The following NCKAP5 variants were observed in gnomAD, a reference collection of about 807,000 sequenced individuals.
The protein encoded by NCKAP5 is NCK associated protein 5.
In NCKAP5, 92 loss-of-function variants were observed where a neutral mutation model predicts 167.0. The observed-to-expected ratio is 0.55, with a 90% CI of 0.47 to 0.66. The LOEUF (loss-of-function observed/expected upper bound fraction) is 0.66, where lower values mean the gene tolerates loss of function less well. Among genes scored for constraint, NCKAP5 ranks in the 30% least tolerant of loss-of-function variants. The probability of loss-of-function intolerance (pLI) is 0.00; values close to 1 mark genes in which losing one functional copy is unlikely to be tolerated. For missense variants in NCKAP5, 2,378 were observed against 2,315.0 expected (o/e 1.03, Z -0.56); for synonymous variants, 891 against 877.4 (o/e 1.02, Z -0.27).
chr2:133,408,350 A>G (rs1339464879), intron 3 of NCKAP5, among the ~76,000 whole-genome samples: 1 of 152,098 alleles, frequency 6.6e-6, no homozygotes, highest in Non-Finnish European at 1.5e-5. Flanking sequence ...TGCAGCATAT[A>G]TGTTTTTTCA....
intron 3 of NCKAP5, among the ~76,000 whole-genome samples, chr2:133,390,781 T>C (rs747360011): frequency 2.6e-5 from 4 of 152,180 alleles, no homozygotes; most frequent in Non-Finnish European, 5.9e-5. Flanking sequence ...CCAGAAAAAC[T>C]AAGGCAGATC....
intron 7 of NCKAP5, among the ~76,000 whole-genome samples, chr2:132,978,481 A>T: frequency 6.6e-6 from 1 of 152,156 alleles, no homozygotes. Flanking sequence ...TCATTTCCTC[A>T]TAGGCAAAAT....
intron 4 of NCKAP5, among the ~76,000 whole-genome samples, chr2:133,287,629 A>G (rs1446828230): frequency 5.3e-5 from 8 of 152,222 alleles, no homozygotes; most frequent in Admixed American, 5.2e-4. Context: ...CCAGGTACCT[A>G]CAATATTTGT....
intron 3 of NCKAP5, among the ~76,000 whole-genome samples, chr2:133,380,314 T>C (rs1486384534): frequency 2.0e-5 from 3 of 152,190 alleles, no homozygotes; most frequent in Non-Finnish European, 4.4e-5. Context: ...TACATTTTTT[T>C]ACAGTGAGCA....
At chr2:133,618,073 A>G in the NCKAP5 span, among the ~76,000 whole-genome samples, 1 of 150,226 alleles carries the variant, frequency 6.7e-6, no homozygotes, top group South Asian at 2.1e-4. Context: ...CTATTTAATA[A>G]ATGGTGCTGG....
intron 1 of NCKAP5, among the ~76,000 whole-genome samples, chr2:133,565,304 G>A (rs12691838): frequency 0.5 from 76,100 of 151,998 alleles, 19,770 homozygotes; most frequent in South Asian, 0.6. Context: ...GGGGTGGGAC[G>A]TGGGCATCAG....
rs901773042 is a variant in NCKAP5 at position 133,372,645 on chromosome 2, T to C, written c.70-69535A>G. ...GGTTCACTGACCAAAAGCACCTTGG[T>C]AATGCTTTAAATAAATACATATTCC... is the stretch of plus-strand genomic sequence containing the variant. On this transcript the variant is annotated intron_variant, in intron 3 of 19. Coordinates refer to ENST00000409261, the MANE Select transcript of NCKAP5 (RefSeq NM_207363.3). 3.9e-5 allele frequency among the ~76,000 whole-genome samples: 6 copies of C among 152,220 alleles called. No homozygotes were observed. The South Asian group carries it at 8.3e-4, about 21-fold the overall frequency.
At chr2:132,934,695 T>C (rs1696709942) in intron 8 of NCKAP5, among the ~76,000 whole-genome samples, 1 of 152,218 alleles carries the variant, frequency 6.6e-6, no homozygotes. Context: ...AACATGTACA[T>C]TTGTTAGACA....
intron 19 of NCKAP5, among the ~76,000 whole-genome samples, chr2:132,673,719 A>T (rs1684048304): frequency 2.0e-5 from 3 of 152,208 alleles, no homozygotes; most frequent in Admixed American, 1.3e-4. Context: ...TTTCTAATAA[A>T]AAAAAGACAT....
chr2:133,282,877 A>C (rs572245163), intron 4 of NCKAP5, among the ~76,000 whole-genome samples: 36 of 152,338 alleles, frequency 2.4e-4, no homozygotes, highest in Admixed American at 1.2e-3. Flanking sequence ...CTGTTTCCTC[A>C]GTACTGGCAG....
intron 4 of NCKAP5, among the ~76,000 whole-genome samples, chr2:133,239,012 T>C (rs2087554576): frequency 6.6e-6 from 1 of 152,180 alleles, no homozygotes; most frequent in African/African-American, 2.4e-5. Flanking sequence ...ATACATACAA[T>C]CCCTAATGTT....
At chr2:133,624,790 CAT>C in the NCKAP5 span, among the ~76,000 whole-genome samples, 158 of 152,284 alleles carry the variant, frequency 1.0e-3, no homozygotes, top group Admixed American at 0.01. Context: ...TGTGTCAGCA[CAT>C]GTTACGTTTT....
intron 6 of NCKAP5, among the ~76,000 whole-genome samples, chr2:133,021,710 C>T (rs1378150145): frequency 1.3e-5 from 2 of 152,316 alleles, no homozygotes; most frequent in African/African-American, 4.8e-5. Context: ...CAGTTCACTA[C>T]ACCTCTGCCT....
intron 3 of NCKAP5, among the ~76,000 whole-genome samples, chr2:133,397,123 T>C (rs550024497): frequency 6.6e-6 from 1 of 152,324 alleles, no homozygotes; most frequent in Non-Finnish European, 1.5e-5. Context: ...TGTTTGCCTA[T>C]TCCAAAAAGG....
In NCKAP5 at chr2:132,965,017, C is replaced by T. The variant is rs1398324689; in HGVS notation, c.430-1148G>A. 3.3e-5 allele frequency among the ~76,000 whole-genome samples: 5 copies of T among 152,104 alleles called. No homozygotes were observed. In the East Asian group the frequency reaches 9.7e-4, roughly 29 times the overall value. ...AAATATGTCTTAATGTATATGTATA[C>T]ATTTATACATATATATGTATCAGTG... On this transcript the variant is annotated intron_variant, in intron 7 of 19. Coordinates refer to ENST00000409261, the MANE Select transcript of NCKAP5 (RefSeq NM_207363.3).
chr2:133,074,866 A>C (rs2080545436), intron 6 of NCKAP5, among the ~76,000 whole-genome samples: 1 of 152,110 alleles, frequency 6.6e-6, no homozygotes, highest in Non-Finnish European at 1.5e-5. Context: ...TCTAACTAAC[A>C]CCCATGTCAC....
intron 8 of NCKAP5, among the ~76,000 whole-genome samples, chr2:132,884,277 T>C (rs1210077571): frequency 6.6e-6 from 1 of 152,204 alleles, no homozygotes; most frequent in Admixed American, 6.5e-5. Flanking sequence ...GCACAGTTAT[T>C]GGTTATTCCC....
chr2:132,719,797 C>A (rs375079375), intron 19 of NCKAP5, among the ~76,000 whole-genome samples: 2 of 152,108 alleles, frequency 1.3e-5, no homozygotes, highest in Non-Finnish European at 1.5e-5. Flanking sequence ...GAGTCCAGGG[C>A]GACTCCTTGC....
chr2:133,091,383 A>G (rs2081177595), intron 6 of NCKAP5, among the ~76,000 whole-genome samples: 2 of 152,278 alleles, frequency 1.3e-5, no homozygotes, highest in South Asian at 4.2e-4. Context: ...CCCATTCTGC[A>G]GACCACTCAC....
Sources: gnomAD v4.1 joint callset for allele counts (sites outside exome capture counted in the v4.1 genomes callset) on GRCh38, gnomAD v4.1.1 for gene constraint, MANE v1.5 for transcripts, NCBI Gene and HGNC (gene_info 2026-07-23, HGNC 2026-07-21) for gene names.